Variants in HECTD4 observed in about 807,000 individuals in gnomAD.
HECTD4 encodes HECT domain E3 ubiquitin protein ligase 4, also known as probable E3 ubiquitin-protein ligase HECTD4.
In HECTD4, 114 loss-of-function variants were observed where a neutral mutation model predicts 471.5. The observed-to-expected ratio is 0.24, with a 90% CI of 0.21 to 0.28. The LOEUF is 0.28. Ranked by LOEUF, HECTD4 falls within the 10% of genes least tolerant of loss-of-function variation. The pLI, the probability that HECTD4 is intolerant of heterozygous loss-of-function variation, is 1.00. For missense variants in HECTD4, 3,866 were observed against 5,651.5 expected (o/e 0.68, Z 10.13); for synonymous variants, 2,012 against 2,256.0 (o/e 0.89, Z 3.07).
Position 112,193,548 on chromosome 12 carries a change from T to C in HECTD4, c.8876A>G (p.Asn2959Ser), listed in dbSNP as rs371045885. ...GTGCAGGGTCCGGGTGATGGCCACGTTGAGCCACTCTCTCACTGTCTGGGA... is the reference window on the plus strand; with the variant it reads ...GTGCAGGGTCCGGGTGATGGCCACGCTGAGCCACTCTCTCACTGTCTGGGA... The part of the protein sequence containing the change: ...GNSQTVREWL[N>S]VAITRTLHQG... The change falls in exon 57 of 76, where the codon AAC (asparagine) becomes AGC (serine). Residue 2959 changes from asparagine to serine, a missense_variant. By Grantham distance (46) the Asn-to-Ser change is conservative. Around this residue, in one of 16 missense-constraint regions of HECTD4, gnomAD observed 364 missense variants for 413.2 expected, o/e 0.88. Transcript: ENST00000682272. This position sits in a 1 kb window ranked among gnomAD's most constrained non-coding sequence, Gnocchi z 5.2. 5.0e-6 allele frequency: 8 copies of C among 1,612,834 alleles called. No homozygotes were observed. The East Asian group carries it at 6.7e-5, about 13-fold the overall frequency.
intron 66 of HECTD4, among the ~76,000 whole-genome samples, chr12:112,174,959 G>A (rs534838487): frequency 6.6e-6 from 1 of 152,316 alleles, no homozygotes; most frequent in South Asian, 2.1e-4. Flanking sequence ...GGGCAGGGCA[G>A]GGTGATTTCT....
At position 112,381,619 on chromosome 12, in the gene HECTD4, G is replaced by A. The variant is rs1253514609; in HGVS notation, c.177+333C>T. Among the ~76,000 whole-genome samples, 1 of 152,220 alleles carries A rather than the reference G, an allele frequency of 6.6e-6. No individual in the cohort carries two copies. The highest frequency in any genetic ancestry group is 2.4e-5 in the African/African-American group (1 of 41,464). On this transcript the variant is annotated intron_variant, in intron 1 of 75. Coordinates refer to ENST00000682272, the MANE Select transcript of HECTD4 (RefSeq NM_001388303.1). The surrounding 1 kb of genome is among the most constrained non-coding windows in gnomAD (Gnocchi z 4.1). ...CCTGGGGGCCCGTGGGGGAGGGGAG[G>A]GAGGGCCCGGGTGGTGGCGGTGGCT...
chr12:112,184,427 A>C lies in HECTD4; in HGVS notation c.10539T>G (p.Pro3513=). ...TVSDLSVDPL[P]AGLELPIPPG... is the part of the protein sequence containing the mutation. ...GAGGGATGGGCAGCTCGAGGCCGGC[A>C]GGCAGCGGATCCACAGAGAGGTCGC... Residue 3513 remains proline (P), a synonymous_variant, in exon 61 of 76, where the codon CCT becomes CCG. Coordinates refer to ENST00000682272, the MANE Select transcript of HECTD4 (RefSeq NM_001388303.1). This position sits in a 1 kb window ranked among gnomAD's most constrained non-coding sequence, Gnocchi z 9.1. 1 of 1,606,010 alleles carries C rather than the reference A, an allele frequency of 6.2e-7. No individual in the cohort carries two copies. The highest frequency in any genetic ancestry group is 1.7e-5 in the Admixed American group (1 of 59,280).
At chr12:112,197,064 G>A (rs1298425524) in intron 55 of HECTD4, among the ~76,000 whole-genome samples, 1 of 152,010 alleles carries the variant, frequency 6.6e-6, no homozygotes. Context: ...CCAAAGTGCT[G>A]GGATTATAGG....
intron 20 of HECTD4, 188 bp from the exon 21 acceptor site, chr12:112,256,706 G>T: frequency 5.2e-6 from 2 of 387,364 alleles, no homozygotes; most frequent in Middle Eastern, 6.7e-4. Flanking sequence ...TTCTTTCCTT[G>T]TTGTCAGATA....
At chr12:112,366,767 GC>G (rs2036567969) in intron 1 of HECTD4, among the ~76,000 whole-genome samples, 1 of 151,140 alleles carries the variant, frequency 6.6e-6, no homozygotes, top group South Asian at 2.1e-4. Context: ...TGTAATACCA[GC>G]TACTTGGAGG....
chr12:112,324,401 T>C (rs985927231), intron 1 of HECTD4, among the ~76,000 whole-genome samples: 3 of 151,994 alleles, frequency 2.0e-5, no homozygotes, highest in Admixed American at 1.3e-4. Flanking sequence ...AGTATAGGCA[T>C]GATCCACTGC....
chr12:112,254,731 C>T (rs1047262538), intron 21 of HECTD4, among the ~76,000 whole-genome samples: 1 of 152,064 alleles, frequency 6.6e-6, no homozygotes, highest in Non-Finnish European at 1.5e-5. Context: ...GAAAATGATA[C>T]AAATTTGGGC....
chr12:112,279,899 T>C (rs2135636226), intron 8 of HECTD4, among the ~76,000 whole-genome samples: 1 of 152,338 alleles, frequency 6.6e-6, no homozygotes, highest in East Asian at 1.9e-4. Context: ...CCAGTGAACA[T>C]TTCCTTTGTT....
At chr12:112,367,306 A>G (rs529358788) in intron 1 of HECTD4, among the ~76,000 whole-genome samples, 1 of 133,830 alleles carries the variant, frequency 7.5e-6, no homozygotes, top group African/African-American at 2.8e-5. Flanking sequence ...CTCAAAAAAA[A>G]AAAGAAAGAA....
At chr12:112,165,633 G>C (rs183466185) in intron 72 of HECTD4, among the ~76,000 whole-genome samples, 3 of 152,194 alleles carry the variant, frequency 2.0e-5, no homozygotes, top group Non-Finnish European at 4.4e-5. Context: ...TTACAGGCGT[G>C]AGCCACCGCG....
At position 112,248,190 on chromosome 12, in the gene HECTD4, T is replaced by A; in HGVS notation, c.4144-19A>T. On this transcript the variant is annotated intron_variant, in intron 26 of 75. Coordinates refer to ENST00000682272, the MANE Select transcript of HECTD4 (RefSeq NM_001388303.1). ...CAACACTCTAATAAATACATTAAAA[T>A]AGATGCAAAATAAAAACAAGTATGA... 6.3e-7 allele frequency: 1 copy of A among 1,593,056 alleles called. No homozygotes were observed. Among genetic ancestry groups the A allele is most frequent in the Non-Finnish European group, 8.6e-7 (1 of 1,167,004 alleles).
rs536948766 is a variant in HECTD4, at chr12:112,246,802, GA to G, written c.4513+98del. The G allele has an allele frequency of 1.1e-3, 1,186 of 1,072,700 alleles. 3 individuals carry two copies. The highest frequency in any genetic ancestry group is 1.2e-3 in the Non-Finnish European group (928 of 782,908). The allele number at this position is 1,072,700 out of a possible 1,614,324, so 66.4% of individuals were successfully genotyped here. A position where few individuals can be genotyped will look rare whatever the true frequency, so the allele number is the denominator to read the frequency against. On this transcript the variant is annotated intron_variant, in intron 29 of 75. Transcript: ENST00000682272. ...TGTTTTCCTTTCTCAGAGTACCCAAGAGTGAATTTTTCAAAATATAGCTGTG... is the reference window on the plus strand; with the variant it reads ...TGTTTTCCTTTCTCAGAGTACCCAAGGTGAATTTTTCAAAATATAGCTGTG...
Position 112,382,391 on chromosome 12 carries a change from G to A in HECTD4, c.-263C>T. ...GAGCAGGATCCGCCTCTGCCGCTCG[G>A]CAACCAACTGTCAGTGAGACGCCAT... On this transcript the variant is annotated 5_prime_UTR_variant, in exon 1 of 76. Transcript: ENST00000682272. The A allele has an allele frequency of 8.9e-6, 3 of 335,710 alleles. No individual in the cohort carries two copies. The highest frequency in any genetic ancestry group is 1.6e-5 in the Non-Finnish European group (3 of 190,326). 20.8% of individuals were successfully genotyped at this position (335,710 alleles called of 1,614,324 possible).
chr12:112,232,949 G>C, intron 38 of HECTD4, 55 bp downstream of exon 38: 1 of 1,406,668 alleles, frequency 7.1e-7, no homozygotes, highest in Non-Finnish European at 9.8e-7. Context: ...AAAATCTAAA[G>C]CATGACAAAT....
intron 48 of HECTD4, among the ~76,000 whole-genome samples, chr12:112,215,618 G>A (rs2032896717): frequency 6.6e-6 from 1 of 152,174 alleles, no homozygotes; most frequent in African/African-American, 2.4e-5. Context: ...TTTATAGGCT[G>A]TATCTACCAA....
chr12:112,329,327 T>C (rs932585304), intron 1 of HECTD4, among the ~76,000 whole-genome samples: 1 of 152,092 alleles, frequency 6.6e-6, no homozygotes, highest in African/African-American at 2.4e-5. Flanking sequence ...AAAAGTGTTT[T>C]AGCTGTTTTA....
At position 112,319,124 on chromosome 12, in the gene HECTD4, T is replaced by C; in HGVS notation, c.695+101A>G. ...CTGAAAGCAAAGAAGGACTTCTGAA[T>C]GTTAAGACTTCTATCAAATATACTT... On this transcript the variant is annotated intron_variant, in intron 2 of 75. Coordinates refer to ENST00000682272, the MANE Select transcript of HECTD4 (RefSeq NM_001388303.1). This position sits in a 1 kb window ranked among gnomAD's most constrained non-coding sequence, Gnocchi z 5.3. 1.8e-5 allele frequency: 21 copies of C among 1,169,780 alleles called. No homozygotes were observed. The highest frequency in any genetic ancestry group is 2.5e-5 in the Non-Finnish European group (21 of 846,316). 72.5% of individuals were successfully genotyped at this position (1,169,780 alleles called of 1,614,324 possible).
In HECTD4 at chr12:112,228,712, T is replaced by C; in HGVS notation, c.6619A>G (p.Lys2207Glu). ...TVRFPPIDCRKTSQASDTLTI... is the reference protein window; with the variant it reads ...TVRFPPIDCRETSQASDTLTI... ...AATGTGTCTGACGCTTGCGAAGTCT[T>C]TCTACAGTCTATGGGTGGGAATCTG... The change falls in exon 42 of 76, where the codon AAG becomes GAG. Residue 2207 changes from lysine (K) to glutamate (E), a missense_variant. Physicochemically the swap from Lys to Glu is moderately conservative, Grantham distance 56. Coordinates refer to ENST00000682272, the MANE Select transcript of HECTD4 (RefSeq NM_001388303.1). This position sits in a 1 kb window ranked among gnomAD's most constrained non-coding sequence, Gnocchi z 4.9. 1 of 1,613,718 alleles carries C rather than the reference T, an allele frequency of 6.2e-7. No individual in the cohort carries two copies. The highest frequency in any genetic ancestry group is 8.5e-7 in the Non-Finnish European group (1 of 1,179,782).
Sources: gnomAD v4.1 joint callset for allele counts (sites outside exome capture counted in the v4.1 genomes callset) on GRCh38, gnomAD v4.1.1 for gene constraint, gnomAD v4.1.1 regional missense constraint, Gnocchi (gnomAD v3.1) non-coding constraint, MANE v1.5 for transcripts, NCBI Gene and HGNC (gene_info 2026-07-23, HGNC 2026-07-21) for gene names.